WDPCP: variants seen among roughly 807,000 people sequenced by gnomAD.
The protein encoded by WDPCP is WD repeat containing planar cell polarity effector.
WDPCP carries 71 observed loss-of-function variants against 93.1 expected under a neutral mutation model. That is an observed-to-expected ratio of 0.76 (90% CI 0.63 to 0.93). The LOEUF (loss-of-function observed/expected upper bound fraction) is 0.93, where lower values mean the gene tolerates loss of function less well. Ranked by LOEUF, WDPCP falls within the 40% of genes least tolerant of loss-of-function variation. The pLI is 0.00. For synonymous variants in WDPCP, 315 were observed against 315.0 expected (o/e 1.00, Z 0.00); for missense variants, 844 against 887.4 (o/e 0.95, Z 0.62).
chr2:63,509,567 A>C (rs139369926), intron 1 of WDPCP, among the ~76,000 whole-genome samples: 2,792 of 152,280 alleles, frequency 0.018, 73 homozygotes, highest in African/African-American at 0.06. Context: ...GAAGACAAGA[A>C]ATAACTAAGA....
chr2:63,483,878 C>A (rs2105901150), intron 6 of WDPCP, among the ~76,000 whole-genome samples: 1 of 151,948 alleles, frequency 6.6e-6, no homozygotes, highest in South Asian at 2.1e-4. Flanking sequence ...TTGTCATTAT[C>A]TTGTAATCAG....
intron 1 of WDPCP, among the ~76,000 whole-genome samples, chr2:63,499,271 G>C (rs536223904): frequency 7.2e-5 from 11 of 152,244 alleles, no homozygotes; most frequent in Non-Finnish European, 1.6e-4. Context: ...ATACCCAAAA[G>C]AATAAATTAG....
chr2:63,227,006 ACTT>A (rs1355182820), intron 14 of WDPCP, among the ~76,000 whole-genome samples: 2 of 151,900 alleles, frequency 1.3e-5, no homozygotes, highest in African/African-American at 4.8e-5. Flanking sequence ...AGCTCCAAAC[ACTT>A]CTTTTTTGAT....
At position 63,382,056 on chromosome 2, in the gene WDPCP, T is replaced by C. The variant is rs1558548737; in HGVS notation, c.1474A>G (p.Ile492Val). 1.2e-6 allele frequency: 2 copies of C among 1,613,342 alleles called. No homozygotes were observed. The highest frequency in any genetic ancestry group is 8.5e-7 in the Non-Finnish European group (1 of 1,179,674). The change falls in exon 11 of 18, where the codon ATC becomes GTC. Residue 492 changes from isoleucine to valine, a missense_variant. Transcript: ENST00000272321. ...TCATCACAGTGAATGTACTGGAAGATGATGTCTATCAGGCCCAGCTGTCCT... is the reference window on the plus strand; with the variant it reads ...TCATCACAGTGAATGTACTGGAAGACGATGTCTATCAGGCCCAGCTGTCCT... ...TRGQLGLIDI[I>V]FQYIHCDEIY...
chr2:63,789,109 T>C (rs1670508754), intron 2 of WDPCP, among the ~76,000 whole-genome samples: 1 of 152,142 alleles, frequency 6.6e-6, no homozygotes, highest in Non-Finnish European at 1.5e-5. Flanking sequence ...TATTGTTATA[T>C]GAAAAGATGG....
At chr2:63,285,736 A>C (rs1011288009) in intron 13 of WDPCP, among the ~76,000 whole-genome samples, 19 of 152,306 alleles carry the variant, frequency 1.2e-4, no homozygotes, top group African/African-American at 4.6e-4. Flanking sequence ...TGAAAGTAGA[A>C]GTAATGAAAT....
At chr2:63,774,728 C>G (rs575231693) in intron 2 of WDPCP, among the ~76,000 whole-genome samples, 20 of 152,236 alleles carry the variant, frequency 1.3e-4, no homozygotes, top group African/African-American at 4.1e-4. Context: ...GAGTCATTTT[C>G]AAGTTCTTCT....
chr2:63,563,405 A>C (rs1706780244), intron 1 of WDPCP, among the ~76,000 whole-genome samples: 1 of 151,904 alleles, frequency 6.6e-6, no homozygotes, highest in South Asian at 2.1e-4. Flanking sequence ...TGCCAAGTAA[A>C]ATTTATCACT....
At chr2:63,650,112 G>T (rs262483) in intron 3 of WDPCP, among the ~76,000 whole-genome samples, 173 of 152,238 alleles carry the variant, frequency 1.1e-3, no homozygotes, top group African/African-American at 4.0e-3. Flanking sequence ...GGAATAACCA[G>T]CTTGGATGTT....
At chr2:63,612,173 T>A (rs983381563) in intron 3 of WDPCP, among the ~76,000 whole-genome samples, 14 of 152,216 alleles carry the variant, frequency 9.2e-5, no homozygotes, top group African/African-American at 3.4e-4. Flanking sequence ...GGCTTGGAAG[T>A]CAGACAAGCT....
intron 9 of WDPCP, among the ~76,000 whole-genome samples, chr2:63,408,283 G>A (rs1057462022): frequency 5.3e-5 from 8 of 152,178 alleles, no homozygotes; most frequent in African/African-American, 1.9e-4. Context: ...GAGTGGGAAA[G>A]GGAGAGCCTC....
At chr2:63,143,417 T>C (rs1291531393) in intron 17 of WDPCP, among the ~76,000 whole-genome samples, 1 of 152,238 alleles carries the variant, frequency 6.6e-6, no homozygotes, top group Non-Finnish European at 1.5e-5. Context: ...GCCATTTACA[T>C]TCAATGTTAG....
intron 12 of WDPCP, among the ~76,000 whole-genome samples, chr2:63,319,419 A>G (rs894533896): frequency 2.0e-5 from 3 of 152,270 alleles, no homozygotes; most frequent in Non-Finnish European, 2.9e-5. Context: ...ACAAATGATC[A>G]GACTACCATC....
chr2:63,312,667 C>T (rs1259153286), intron 13 of WDPCP, among the ~76,000 whole-genome samples: 1 of 152,074 alleles, frequency 6.6e-6, no homozygotes, highest in Non-Finnish European at 1.5e-5. Context: ...AAAACAGAAA[C>T]CTGATACAGA....
At chr2:63,467,823 C>G (rs1220091846) in intron 6 of WDPCP, among the ~76,000 whole-genome samples, 1 of 148,280 alleles carries the variant, frequency 6.7e-6, no homozygotes, top group East Asian at 2.0e-4. Flanking sequence ...GACTAATTAT[C>G]AAGGGCATGA....
At chr2:63,757,451 A>T (rs1669986979) in intron 2 of WDPCP, among the ~76,000 whole-genome samples, 1 of 152,182 alleles carries the variant, frequency 6.6e-6, no homozygotes, top group South Asian at 2.1e-4. Context: ...AGTAGGATCT[A>T]CAGAAGCAGA....
chr2:63,307,544 T>C (rs953676345), intron 13 of WDPCP, among the ~76,000 whole-genome samples: 1 of 152,080 alleles, frequency 6.6e-6, no homozygotes, highest in Non-Finnish European at 1.5e-5. Context: ...AAAACAGATA[T>C]ATAGGCAAAT....
chr2:63,566,543 G>C (rs550821877), intron 1 of WDPCP, among the ~76,000 whole-genome samples: 1 of 152,162 alleles, frequency 6.6e-6, no homozygotes, highest in Non-Finnish European at 1.5e-5. Context: ...TGTCACAGGC[G>C]CGTCCTCAAC....
At chr2:63,622,653 T>C in intron 3 of WDPCP, 2 of 1,613,904 alleles carry the variant, frequency 1.2e-6, no homozygotes, top group East Asian at 2.2e-5. Flanking sequence ...TGGCATTCTG[T>C]TGGTCTTGGT....
Sources: gnomAD v4.1 joint callset for allele counts (sites outside exome capture counted in the v4.1 genomes callset) on GRCh38, gnomAD v4.1.1 for gene constraint, MANE v1.5 for transcripts, NCBI Gene and HGNC (gene_info 2026-07-23, HGNC 2026-07-21) for gene names.